Variants in GALNT13 observed in about 807,000 individuals in gnomAD.
GALNT13 encodes UDP-GalNAc:polypeptide N-acetylgalactosaminyltransferase 13.
Under a neutral mutation model 64.2 loss-of-function variants are expected in GALNT13, and 28 were observed. The ratio of observed to expected loss-of-function variants is 0.44; its 90% CI spans 0.32 to 0.60. The LOEUF is 0.60. Ranked by LOEUF, GALNT13 falls within the 20% of genes least tolerant of loss-of-function variation. The pLI is 0.05. For synonymous variants in GALNT13, 214 were observed against 224.6 expected (o/e 0.95, Z 0.42); for missense variants, 577 against 669.8 (o/e 0.86, Z 1.53).
At chr2:154,404,897 G>A (rs1699457662) in intron 10 of GALNT13, among the ~76,000 whole-genome samples, 1 of 151,690 alleles carries the variant, frequency 6.6e-6, no homozygotes, top group South Asian at 2.1e-4. Flanking sequence ...AAATAGAAAT[G>A]GTCTTTTGAT....
chr2:153,394,693 A>G, the GALNT13 span, among the ~76,000 whole-genome samples: 1 of 152,164 alleles, frequency 6.6e-6, no homozygotes, highest in Non-Finnish European at 1.5e-5. Flanking sequence ...TGTTAAATAC[A>G]TAATGTCTTT....
chr2:153,476,875 C>T, the GALNT13 span, among the ~76,000 whole-genome samples: 2,918 of 152,260 alleles, frequency 0.019, 88 homozygotes, highest in African/African-American at 0.066. Context: ...CCCCTTCCCT[C>T]CGCCCCCCGG....
At chr2:154,253,584 T>C (rs574011813) in intron 7 of GALNT13, among the ~76,000 whole-genome samples, 2 of 152,290 alleles carry the variant, frequency 1.3e-5, no homozygotes, top group East Asian at 3.9e-4. Flanking sequence ...AGTTCGAGAT[T>C]ATCCTGGGCA....
the GALNT13 span, among the ~76,000 whole-genome samples, chr2:153,533,723 C>CTTTTTTTGTTTTTTTTTTTTTTTTTTTTT: frequency 2.1e-5 from 1 of 48,732 alleles, no homozygotes; most frequent in Non-Finnish European, 3.6e-5. Flanking sequence ...TGAGGTTTTT[C>CTTTTTTTGTTTTTTTTTTTTTTTTTTTTT]TTTTTTTTTT....
the GALNT13 span, among the ~76,000 whole-genome samples, chr2:153,557,457 G>C: frequency 3.2e-4 from 48 of 152,136 alleles, no homozygotes; most frequent in Admixed American, 5.9e-4. Context: ...TTCCATCCTC[G>C]CCTGTCCCTT....
chr2:153,543,126 C>A, the GALNT13 span, among the ~76,000 whole-genome samples: 1 of 152,088 alleles, frequency 6.6e-6, no homozygotes, highest in Non-Finnish European at 1.5e-5. Flanking sequence ...TGAGGTTGCC[C>A]AGAAATAATC....
At chr2:153,442,010 A>G in the GALNT13 span, among the ~76,000 whole-genome samples, 2 of 152,138 alleles carry the variant, frequency 1.3e-5, no homozygotes, top group African/African-American at 2.4e-5. Flanking sequence ...GAGAGAAGGC[A>G]TCTTGTCTTG....
the GALNT13 span, among the ~76,000 whole-genome samples, chr2:153,092,256 A>G: frequency 2.0e-5 from 3 of 152,140 alleles, no homozygotes; most frequent in Non-Finnish European, 2.9e-5. Context: ...TCTAGAGTAT[A>G]ATTTGAAGTC....
chr2:153,169,647 G>C, the GALNT13 span, among the ~76,000 whole-genome samples: 3 of 152,166 alleles, frequency 2.0e-5, no homozygotes, highest in Non-Finnish European at 2.9e-5. Flanking sequence ...CAGCCTGACT[G>C]TCCCTGGTAA....
At chr2:153,672,266 A>T in the GALNT13 span, among the ~76,000 whole-genome samples, 2 of 152,184 alleles carry the variant, frequency 1.3e-5, no homozygotes, top group African/African-American at 4.8e-5. Context: ...TCAGCACCAC[A>T]TTGCACTTAT....
At chr2:153,716,937 A>C in the GALNT13 span, among the ~76,000 whole-genome samples, 1 of 152,138 alleles carries the variant, frequency 6.6e-6, no homozygotes, top group Admixed American at 6.6e-5. Context: ...TTTCAAGATG[A>C]ATCCTGAATC....
the GALNT13 span, among the ~76,000 whole-genome samples, chr2:153,856,874 C>T: frequency 6.6e-6 from 1 of 152,040 alleles, no homozygotes; most frequent in Non-Finnish European, 1.5e-5. Flanking sequence ...AAATGATTGT[C>T]AACTCTAACG....
chr2:153,955,065 C>T (rs536778906), intron 3 of GALNT13, among the ~76,000 whole-genome samples: 12 of 152,006 alleles, frequency 7.9e-5, no homozygotes, highest in African/African-American at 2.2e-4. Flanking sequence ...TTATTTTAGA[C>T]TAGCAATTTT....
chr2:154,077,498 T>C (rs1701049285), intron 3 of GALNT13, among the ~76,000 whole-genome samples: 1 of 151,176 alleles, frequency 6.6e-6, no homozygotes, highest in Non-Finnish European at 1.5e-5. Flanking sequence ...TATTTGTGAG[T>C]AAAGGGGTGG....
At chr2:154,406,981 G>A (rs1190252273) in intron 10 of GALNT13, among the ~76,000 whole-genome samples, 2 of 152,112 alleles carry the variant, frequency 1.3e-5, no homozygotes, top group Non-Finnish European at 2.9e-5. Context: ...ATATTTTGGA[G>A]CCATTCTTAA....
At chr2:153,181,262 A>G in the GALNT13 span, among the ~76,000 whole-genome samples, 1 of 150,800 alleles carries the variant, frequency 6.6e-6, no homozygotes, top group African/African-American at 2.4e-5. Flanking sequence ...TCATTGACGC[A>G]TGGGTGTTCA....
At chr2:154,372,745 TTGTC>T (rs1342037759) in intron 9 of GALNT13, among the ~76,000 whole-genome samples, 2 of 152,154 alleles carry the variant, frequency 1.3e-5, no homozygotes, top group South Asian at 4.1e-4. Context: ...GGTAGTGAAA[TTGTC>T]TGTGATTATC....
chr2:154,029,045 A>C (rs1468827791), intron 3 of GALNT13, among the ~76,000 whole-genome samples: 2 of 152,036 alleles, frequency 1.3e-5, no homozygotes, highest in African/African-American at 4.8e-5. Flanking sequence ...TGGTAAAGCC[A>C]GTTGTGCACT....
chr2:153,356,789 C>CTTTTTTTTTTTTTTTTTTTTT, the GALNT13 span, among the ~76,000 whole-genome samples: 4 of 104,904 alleles, frequency 3.8e-5, 2 homozygotes, highest in Non-Finnish European at 7.4e-5. Context: ...TCTTCTTCCT[C>CTTTTTTTTTTTTTTTTTTTTT]TTTTTTTTTT....
Sources: gnomAD v4.1 joint callset for allele counts (sites outside exome capture counted in the v4.1 genomes callset) on GRCh38, gnomAD v4.1.1 for gene constraint, MANE v1.5 for transcripts, NCBI Gene and HGNC (gene_info 2026-07-23, HGNC 2026-07-21) for gene names.